Variants in CFAP47 observed in about 807,000 individuals in gnomAD.
The protein encoded by CFAP47 is cilia- and flagella-associated protein 47.
In CFAP47, 29 loss-of-function variants were observed where a neutral mutation model predicts 148.1. That is an observed-to-expected ratio of 0.20 (90% CI 0.15 to 0.27). CFAP47 has a LOEUF of 0.27. Among genes scored for constraint, CFAP47 ranks in the 10% least tolerant of loss-of-function variants. The probability of loss-of-function intolerance (pLI) is 1.00; values close to 1 mark genes in which losing one functional copy is unlikely to be tolerated. For synonymous variants in CFAP47, 664 were observed against 577.3 expected (o/e 1.15, Z -2.15); for missense variants, 1,872 against 1,697.5 (o/e 1.10, Z -1.81).
intron 39 of CFAP47, among the ~76,000 whole-genome samples, chrX:36,161,419 A>T (rs1344007697): frequency 8.9e-6 from 1 of 111,953 alleles, no homozygotes; most frequent in Admixed American, 9.5e-5. Flanking sequence ...TATCAATTTA[A>T]GCAGAAAAAA....
At chrX:36,026,477 A>G (rs1379374950) in intron 22 of CFAP47, among the ~76,000 whole-genome samples, 1 of 111,323 alleles carries the variant, frequency 9.0e-6, no homozygotes, top group East Asian at 2.8e-4. Context: ...TTTCCAGTAC[A>G]CAATATAATA....
intron 45 of CFAP47, among the ~76,000 whole-genome samples, chrX:36,221,465 A>C (rs940490454): frequency 8.9e-6 from 1 of 111,887 alleles, no homozygotes; most frequent in Non-Finnish European, 1.9e-5. Context: ...GAATTCAAGA[A>C]TAGAAAAGAA....
At chrX:36,077,442 C>T (rs185599099) in intron 29 of CFAP47, among the ~76,000 whole-genome samples, 64 of 107,900 alleles carry the variant, frequency 5.9e-4, no homozygotes, top group African/African-American at 2.1e-3. Context: ...TCTATGATTT[C>T]TTTCAGCAGT....
intron 62 of CFAP47, among the ~76,000 whole-genome samples, chrX:36,370,297 G>A (rs1206892969): frequency 1.2e-5 from 1 of 81,705 alleles, no homozygotes; most frequent in African/African-American, 5.0e-5. Flanking sequence ...TCCCCTCCCT[G>A]TGTCCATGTG....
intron 15 of CFAP47, among the ~76,000 whole-genome samples, chrX:35,982,977 A>T (rs185014940): frequency 3.7e-4 from 41 of 112,023 alleles, no homozygotes; most frequent in Middle Eastern, 4.7e-3. Flanking sequence ...TTAAAATAGT[A>T]TTCTAATTTT....
At chrX:36,334,527 C>A (rs975699711) in intron 57 of CFAP47, among the ~76,000 whole-genome samples, 1 of 111,182 alleles carries the variant, frequency 9.0e-6, no homozygotes, top group South Asian at 3.7e-4. Context: ...AGGTATCACC[C>A]AATTTTATGT....
At chrX:36,082,844 A>T (rs761188986) in intron 29 of CFAP47, among the ~76,000 whole-genome samples, 5 of 111,617 alleles carry the variant, frequency 4.5e-5, no homozygotes, top group South Asian at 3.7e-4. Context: ...TATTTCCTCT[A>T]TGCCTCCATT....
intron 45 of CFAP47, among the ~76,000 whole-genome samples, chrX:36,218,171 T>C (rs1323370058): frequency 1.8e-5 from 2 of 112,394 alleles, no homozygotes; most frequent in African/African-American, 6.5e-5. Context: ...TTAGAGAAAG[T>C]TTATGGTATT....
At chrX:36,153,547 G>A (rs1291083703) in intron 37 of CFAP47, among the ~76,000 whole-genome samples, 2 of 112,283 alleles carry the variant, frequency 1.8e-5, no homozygotes, top group East Asian at 5.6e-4. Flanking sequence ...TCTTCAGGGA[G>A]GCCTGCCTCC....
chrX:36,276,089 T>A (rs1315959173), intron 49 of CFAP47, among the ~76,000 whole-genome samples: 1 of 110,460 alleles, frequency 9.1e-6, no homozygotes, highest in Non-Finnish European at 1.9e-5. Flanking sequence ...ATGTCACTAG[T>A]CATGCATACC....
chrX:36,161,818 C>T (rs138792000), intron 39 of CFAP47, among the ~76,000 whole-genome samples: 1,374 of 111,920 alleles, frequency 0.012, 9 homozygotes, highest in Middle Eastern at 0.028. Context: ...TAATTTTGGT[C>T]ATTTTGTTTT....
chrX:36,309,516 A>G (rs2146962623), intron 55 of CFAP47, among the ~76,000 whole-genome samples: 1 of 111,487 alleles, frequency 9.0e-6, no homozygotes, highest in African/African-American at 3.2e-5. Flanking sequence ...TTGCTGGGTT[A>G]CTTTTTAATT....
At chrX:36,200,592 G>A in intron 43 of CFAP47, 99 bp downstream of exon 43, 2 of 286,637 alleles carry the variant, frequency 7.0e-6, no homozygotes, top group Non-Finnish European at 1.2e-5. Flanking sequence ...TCTCTTCTGT[G>A]TGTTTAGATT....
rs1213692729 is a variant in CFAP47 at position 36,049,170 on chromosome X, T to C, written c.4217+2107T>C. 2.7e-5 allele frequency among the ~76,000 whole-genome samples: 3 copies of C among 110,357 alleles called. No individual in the cohort carries two copies. In the East Asian group the frequency reaches 8.5e-4, roughly 31 times the overall value. On this transcript the variant is annotated intron_variant, in intron 26 of 63. Coordinates refer to ENST00000378653, the MANE Select transcript of CFAP47 (RefSeq NM_001304548.2). ...AATAGTCCTGAGAAGTGGGGTTTTT[T>C]TTCTTTTTTTTTGTTTCTAGATTAT...
intron 37 of CFAP47, among the ~76,000 whole-genome samples, chrX:36,154,015 A>G (rs1602016040): frequency 8.9e-6 from 1 of 112,013 alleles, no homozygotes; most frequent in South Asian, 3.7e-4. Flanking sequence ...TTTAATGAAT[A>G]TCATCTGGTT....
intron 39 of CFAP47, among the ~76,000 whole-genome samples, chrX:36,163,754 C>T (rs1301905528): frequency 5.4e-5 from 6 of 110,122 alleles, no homozygotes; most frequent in African/African-American, 1.3e-4. Context: ...GGATTACAGG[C>T]GCCTACCACC....
At chrX:36,017,848 G>T (rs987627233) in intron 22 of CFAP47, among the ~76,000 whole-genome samples, 1 of 110,851 alleles carries the variant, frequency 9.0e-6, no homozygotes, top group African/African-American at 3.3e-5. Context: ...TAAGATAGTG[G>T]ATCTTTTGTG....
At chrX:35,965,567 A>G (rs1360565871) in intron 8 of CFAP47, among the ~76,000 whole-genome samples, 1 of 111,953 alleles carries the variant, frequency 8.9e-6, no homozygotes. Flanking sequence ...TTGTGCATTT[A>G]TTATGAATAA....
At chrX:36,174,020 C>T (rs1939628802) in intron 39 of CFAP47, among the ~76,000 whole-genome samples, 1 of 109,722 alleles carries the variant, frequency 9.1e-6, no homozygotes, top group South Asian at 4.0e-4. Flanking sequence ...ATAGTTAGCT[C>T]TTCTTGTTGA....
Sources: gnomAD v4.1 joint callset for allele counts (sites outside exome capture counted in the v4.1 genomes callset) on GRCh38, gnomAD v4.1.1 for gene constraint, MANE v1.5 for transcripts, NCBI Gene and HGNC (gene_info 2026-07-23, HGNC 2026-07-21) for gene names.